LARGE1: variants seen among roughly 807,000 people sequenced by gnomAD.
LARGE1 encodes LARGE xylosyl- and glucuronyltransferase 1.
Under a neutral mutation model 87.6 loss-of-function variants are expected in LARGE1, and 43 were observed. That is an observed-to-expected ratio of 0.49 (90% CI 0.38 to 0.63). The LOEUF (loss-of-function observed/expected upper bound fraction) is 0.63, where lower values mean the gene tolerates loss of function less well. Among genes scored for constraint, LARGE1 ranks in the 30% least tolerant of loss-of-function variants. The probability of loss-of-function intolerance (pLI) is 0.00; values close to 1 mark genes in which losing one functional copy is unlikely to be tolerated. For synonymous variants in LARGE1, 434 were observed against 394.6 expected (o/e 1.10, Z -1.18); for missense variants, 802 against 1,000.2 (o/e 0.80, Z 2.67).
At chr22:33,713,974 AACATAACG>A (rs1235879560) in intron 2 of LARGE1, among the ~76,000 whole-genome samples, 23 of 101,550 alleles carry the variant, frequency 2.3e-4, no homozygotes, top group African/African-American at 8.5e-4. Context: ...TAAATAACGT[AACATAACG>A]TAACATAACA....
At chr22:33,396,528 G>A (rs1218919488) in intron 7 of LARGE1, among the ~76,000 whole-genome samples, 4 of 150,972 alleles carry the variant, frequency 2.6e-5, no homozygotes, top group African/African-American at 9.8e-5. Flanking sequence ...GGGAGAGAAA[G>A]TGGAAATCCT....
chr22:33,263,193 G>A (rs532610994), intron 11 of LARGE1, among the ~76,000 whole-genome samples: 63 of 152,206 alleles, frequency 4.1e-4, no homozygotes, highest in Admixed American at 1.8e-3. Flanking sequence ...GTGCCCGGCC[G>A]ACATCCTTTC....
At chr22:33,389,904 C>A (rs917143371) in intron 7 of LARGE1, among the ~76,000 whole-genome samples, 9 of 151,964 alleles carry the variant, frequency 5.9e-5, no homozygotes, top group African/African-American at 1.2e-4. Context: ...ACAAAAAAAA[C>A]CAAGCTAAAA....
At chr22:33,481,168 C>G (rs147457835) in intron 6 of LARGE1, among the ~76,000 whole-genome samples, 42 of 150,682 alleles carry the variant, frequency 2.8e-4, no homozygotes, top group Admixed American at 5.9e-4. Context: ...CTTCTTCCAG[C>G]AAGGAGAAGT....
At chr22:33,844,430 C>A (rs192986901) in intron 1 of LARGE1, among the ~76,000 whole-genome samples, 2 of 152,236 alleles carry the variant, frequency 1.3e-5, no homozygotes, top group African/African-American at 4.8e-5. Flanking sequence ...TCCAATGGGG[C>A]TCTCCTTTCG....
intron 11 of LARGE1, among the ~76,000 whole-genome samples, chr22:33,195,948 C>T (rs1332470069): frequency 6.6e-6 from 1 of 151,194 alleles, no homozygotes; most frequent in Admixed American, 6.6e-5. Context: ...TTAGTAGAGA[C>T]GGAGTTTCAC....
intron 4 of LARGE1, among the ~76,000 whole-genome samples, chr22:33,619,552 C>CT (rs1292259948): frequency 7.9e-6 from 1 of 126,816 alleles, no homozygotes; most frequent in Non-Finnish European, 1.6e-5. Flanking sequence ...GAGACTCTGT[C>CT]TCAAAAAAAA....
intron 11 of LARGE1, among the ~76,000 whole-genome samples, chr22:33,191,912 G>A (rs137419): frequency 0.6 from 90,782 of 151,912 alleles, 27,721 homozygotes; most frequent in African/African-American, 0.69. Flanking sequence ...TATCAACACA[G>A]ACTGAATCCT....
intron 6 of LARGE1, among the ~76,000 whole-genome samples, chr22:33,534,270 G>T (rs5754591): frequency 6.6e-6 from 1 of 151,812 alleles, no homozygotes; most frequent in Non-Finnish European, 1.5e-5. Context: ...CGGGCGTGGT[G>T]GTGGGCACCT....
downstream of LARGE1, among the ~76,000 whole-genome samples, chr22:33,272,206 G>A (rs1376988843): frequency 6.6e-6 from 1 of 152,214 alleles, no homozygotes; most frequent in Admixed American, 6.5e-5. Flanking sequence ...CAAGTAGCTG[G>A]TAATGATTAA....
At chr22:33,349,597 C>G (rs1192447543) in intron 9 of LARGE1, among the ~76,000 whole-genome samples, 1 of 152,220 alleles carries the variant, frequency 6.6e-6, no homozygotes, top group Non-Finnish European at 1.5e-5. Context: ...GATTGTATCT[C>G]AGCTTTTTTA....
intron 11 of LARGE1, among the ~76,000 whole-genome samples, chr22:33,214,776 C>A (rs182958717): frequency 5.6e-4 from 86 of 152,326 alleles, no homozygotes; most frequent in Admixed American, 9.8e-4. Context: ...ATGAAATTAT[C>A]TGTTTTCGCC....
At chr22:33,672,688 G>A (rs2081452506) in intron 2 of LARGE1, among the ~76,000 whole-genome samples, 8 of 152,182 alleles carry the variant, frequency 5.3e-5, no homozygotes, top group Admixed American at 5.2e-4. Flanking sequence ...CTCTCAGTCT[G>A]TTCTCATTGC....
At chr22:33,337,467 ATGCAAAGGACC>A (rs1938596098) in intron 10 of LARGE1, among the ~76,000 whole-genome samples, 168 bp downstream of exon 10, 2 of 152,132 alleles carry the variant, frequency 1.3e-5, no homozygotes, top group Admixed American at 1.3e-4. Flanking sequence ...AATGATGAGC[ATGCAAAGGACC>A]CGCTGATGTA....
chr22:33,874,925 G>A (rs578001842), intron 1 of LARGE1, among the ~76,000 whole-genome samples: 1 of 152,298 alleles, frequency 6.6e-6, no homozygotes, highest in East Asian at 1.9e-4. Flanking sequence ...AGGGACTGTT[G>A]TGATCCCCAT....
intron 1 of LARGE1, among the ~76,000 whole-genome samples, chr22:33,885,829 G>A (rs543798684): frequency 5.4e-4 from 82 of 152,034 alleles, no homozygotes; most frequent in Non-Finnish European, 9.9e-4. Context: ...CCAGGAGTTC[G>A]AGACCAGCCT....
At chr22:33,191,386 T>G (rs2146191860) in intron 11 of LARGE1, among the ~76,000 whole-genome samples, 1 of 152,344 alleles carries the variant, frequency 6.6e-6, no homozygotes, top group Admixed American at 6.5e-5. Context: ...CTTTTCTGAA[T>G]CAGAATCTCT....
intron 3 of LARGE1, among the ~76,000 whole-genome samples, chr22:33,636,861 C>T (rs894971148): frequency 2.6e-5 from 4 of 152,108 alleles, no homozygotes; most frequent in South Asian, 4.1e-4. Flanking sequence ...GGCAAATTAA[C>T]TGAGATGACT....
the LARGE1 span, among the ~76,000 whole-genome samples, chr22:33,121,902 T>C: frequency 6.6e-6 from 1 of 152,042 alleles, no homozygotes; most frequent in Non-Finnish European, 1.5e-5. Context: ...TATAAAACCA[T>C]CAGATCTCAT....
Sources: gnomAD v4.1 joint callset for allele counts (sites outside exome capture counted in the v4.1 genomes callset) on GRCh38, gnomAD v4.1.1 for gene constraint, MANE v1.5 for transcripts, NCBI Gene and HGNC (gene_info 2026-07-23, HGNC 2026-07-21) for gene names.